CIB1: variants seen among roughly 807,000 people sequenced by gnomAD.
The protein encoded by CIB1 is calcium and integrin binding 1, also known as calcium and integrin-binding protein 1.
A neutral mutation model predicts 25.0 loss-of-function variants in CIB1; 19 were observed. The observed-to-expected ratio is 0.76, with a 90% CI of 0.53 to 1.12. The LOEUF (loss-of-function observed/expected upper bound fraction) is 1.12, where lower values mean the gene tolerates loss of function less well. CIB1 is among the 50% of genes most tolerant of loss of function. CIB1 has a pLI of 0.00. For synonymous variants in CIB1, 104 were observed against 98.5 expected (o/e 1.06, Z -0.33); for missense variants, 236 against 242.6 (o/e 0.97, Z 0.18).
At chr15:90,262,466 T>C in the CIB1 span, 1 of 1,451,250 alleles carries the variant, frequency 6.9e-7, no homozygotes, top group African/African-American at 1.4e-5. Flanking sequence ...ATTTCTCTAC[T>C]GTCTGAAGCT....
At chr15:90,252,325 C>T in the CIB1 span, among the ~76,000 whole-genome samples, 4 of 152,244 alleles carry the variant, frequency 2.6e-5, no homozygotes, top group East Asian at 7.7e-4. Context: ...GCATGAGCCA[C>T]CATGCCCAGC....
the CIB1 span, chr15:90,250,864 G>A: frequency 2.2e-5 from 36 of 1,614,054 alleles, no homozygotes; most frequent in South Asian, 3.6e-4. Context: ...AAGCTGGGAG[G>A]AGGAAGAGAA....
At position 90,232,262 on chromosome 15, in the gene CIB1, GCCCGAAGTGA is replaced by G. The variant is rs1567069129; in HGVS notation, c.142_151del (p.Ser48HisfsTer73). On this transcript the variant is annotated frameshift_variant, in exon 3 of 7. Transcript: ENST00000328649. LOFTEE classifies it high-confidence loss of function. Reference sequence around the variant, plus strand: ...GAGAATCTGCTCGAAGGGCACTTGTGCCCGAAGTGACGACTCCACGCTCCGCTGCTCCTGG... The same window carrying G: ...GAGAATCTGCTCGAAGGGCACTTGTGCGACTCCACGCTCCGCTGCTCCTGG... 5 of 1,613,006 alleles carry G rather than the reference GCCCGAAGTGA, an allele frequency of 3.1e-6. No individual in the cohort carries two copies. The highest frequency in any genetic ancestry group is 1.3e-5 in the African/African-American group (1 of 75,042).
the CIB1 span, chr15:90,257,839 T>G: frequency 1.3e-5 from 14 of 1,088,796 alleles, no homozygotes; most frequent in African/African-American, 2.0e-4. Context: ...TCAGCCTTTA[T>G]AGACCCTGTC....
chr15:90,256,293 C>T, the CIB1 span: 2 of 1,614,158 alleles, frequency 1.2e-6, no homozygotes, highest in Non-Finnish European at 1.7e-6. Context: ...CAATACATCT[C>T]CAAGGTGAAG....
chr15:90,257,189 A>G, the CIB1 span: 1 of 1,613,726 alleles, frequency 6.2e-7, no homozygotes, highest in African/African-American at 1.3e-5. Flanking sequence ...CGTCCTGATC[A>G]CATCCTGTGA....
rs767606139 is a variant in CIB1 at position 90,233,916 on chromosome 15, C to T, written c.-31G>A. ...CGCCGCGCGCACAGCTCCGCCAACT[C>T]GCCTCGAGACGCAGACAACTTTCTC... is the stretch of plus-strand genomic sequence containing the variant. On this transcript the variant is annotated 5_prime_UTR_variant, in exon 1 of 7. Transcript: ENST00000328649. 1.4e-6 allele frequency: 2 copies of T among 1,448,368 alleles called. No individual in the cohort carries two copies. Among genetic ancestry groups the T allele is most frequent in the Non-Finnish European group, 1.8e-6 (2 of 1,105,580 alleles). 89.7% of individuals were successfully genotyped at this position (1,448,368 alleles called of 1,614,324 possible).
the CIB1 span, among the ~76,000 whole-genome samples, chr15:90,261,558 C>T: frequency 2.0e-5 from 3 of 151,664 alleles, no homozygotes; most frequent in Non-Finnish European, 2.9e-5. Flanking sequence ...TTTGGGAGGC[C>T]GAGGTGGGTG....
At chr15:90,241,918 G>A in the CIB1 span, 13 of 1,613,934 alleles carry the variant, frequency 8.1e-6, no homozygotes, top group Non-Finnish European at 1.0e-5. Context: ...GAGCTGGCTG[G>A]GCACCTCCCT....
chr15:90,256,269 A>T, the CIB1 span: 1 of 1,614,226 alleles, frequency 6.2e-7, no homozygotes, highest in South Asian at 1.1e-5. Flanking sequence ...CCAGGAGAGC[A>T]TATGATCTGC....
At chr15:90,241,969 C>G in the CIB1 span, 5 of 1,614,090 alleles carry the variant, frequency 3.1e-6, no homozygotes, top group East Asian at 1.1e-4. Flanking sequence ...ACAGAGGCAG[C>G]TGCTGTGGCC....
At chr15:90,249,214 C>CAAAAAAAA in the CIB1 span, among the ~76,000 whole-genome samples, 4 of 88,204 alleles carry the variant, frequency 4.5e-5, no homozygotes, top group African/African-American at 1.5e-4. Context: ...GACCCCGTCT[C>CAAAAAAAA]AAAAAAAAAA....
At chr15:90,256,265 G>C in the CIB1 span, 2 of 1,614,208 alleles carry the variant, frequency 1.2e-6, no homozygotes, top group Admixed American at 3.3e-5. Context: ...CAAGCCAGGA[G>C]AGCATATGAT....
the CIB1 span, chr15:90,257,169 T>C: frequency 5.0e-6 from 8 of 1,613,644 alleles, no homozygotes; most frequent in Admixed American, 1.7e-5. Flanking sequence ...AAGTTTGATA[T>C]GCGAGTCTAC....
the CIB1 span, chr15:90,251,706 G>T: frequency 8.2e-7 from 1 of 1,221,606 alleles, no homozygotes; most frequent in South Asian, 1.2e-5. Flanking sequence ...GGGCCTGGCG[G>T]GCTTGCCTCT....
At chr15:90,265,298 G>A in the CIB1 span, 4 of 1,220,090 alleles carry the variant, frequency 3.3e-6, no homozygotes, top group Non-Finnish European at 2.1e-6. Flanking sequence ...AGGAGACAAT[G>A]AGCCCCTTTC....
chr15:90,263,094 C>T, the CIB1 span: 3 of 1,536,060 alleles, frequency 2.0e-6, no homozygotes, highest in East Asian at 7.3e-5. Context: ...AGCAGCTCAC[C>T]CGTCTGCAGC....
chr15:90,244,075 A>C, the CIB1 span: 1 of 151,684 alleles, frequency 6.6e-6, no homozygotes, highest in Non-Finnish European at 1.5e-5. Flanking sequence ...TAATACCCCC[A>C]TTCAAAACGG....
chr15:90,241,597 T>G, the CIB1 span: 1 of 1,613,794 alleles, frequency 6.2e-7, no homozygotes, highest in Non-Finnish European at 8.5e-7. Context: ...AGACTGCCCG[T>G]GGAGCAGGCG....
Sources: allele counts gnomAD v4.1 joint callset (sites outside exome capture counted in the v4.1 genomes callset), GRCh38; gene constraint gnomAD v4.1.1; transcripts MANE v1.5; gene names NCBI Gene and HGNC (gene_info 2026-07-23, HGNC 2026-07-21).